Variants in QSOX1 observed in about 807,000 individuals in gnomAD.
QSOX1 encodes sulfhydryl oxidase 1.
QSOX1 carries 40 observed loss-of-function variants against 76.1 expected under a neutral mutation model. The ratio of observed to expected loss-of-function variants is 0.53; its 90% CI spans 0.41 to 0.68. QSOX1 has a LOEUF of 0.68. Among genes scored for constraint, QSOX1 ranks in the 30% least tolerant of loss-of-function variants. QSOX1 has a pLI of 0.00. For synonymous variants in QSOX1, 392 were observed against 413.1 expected, an observed-to-expected ratio of 0.95 and a Z score of 0.62; for missense variants, 931 against 974.3, an observed-to-expected ratio of 0.96 and a Z score of 0.59.
chr1:180,194,997 G>GT (rs1553275525), intron 11 of QSOX1, among the ~76,000 whole-genome samples: 4 of 137,728 alleles, frequency 2.9e-5, no homozygotes, highest in Non-Finnish European at 6.2e-5. Context: ...ACAGCCTCCC[G>GT]GGGGGGGGAG....
At chr1:180,180,646 C>T (rs545724239) in intron 5 of QSOX1, among the ~76,000 whole-genome samples, 1 of 152,352 alleles carries the variant, frequency 6.6e-6, no homozygotes, top group South Asian at 2.1e-4. Flanking sequence ...TCCTGAGTAG[C>T]TGGGACTACA....
Position 180,197,531 on chromosome 1 carries a change from G to A in QSOX1, c.*494G>A, listed in dbSNP as rs1663531704. Reference sequence around the variant, plus strand: ...GAAGCCTTTGCACCCTGGGAGGAAGGACCACCCCGGGCCCTCTATGCCTGG... The same window carrying A: ...GAAGCCTTTGCACCCTGGGAGGAAGAACCACCCCGGGCCCTCTATGCCTGG... On this transcript the variant is annotated 3_prime_UTR_variant, in exon 12 of 12. Coordinates refer to ENST00000367602, the MANE Select transcript of QSOX1 (RefSeq NM_002826.5). The A allele has an allele frequency of 1.2e-6, 1 of 850,314 alleles. No homozygotes were observed. Among genetic ancestry groups the A allele is most frequent in the Admixed American group, 2.6e-5 (1 of 38,672 alleles). The allele number at this position is 850,314 out of a possible 1,614,324, so 52.7% of individuals were successfully genotyped here.
chr1:180,197,617 CTTCTGGAAGT>C lies in QSOX1; in HGVS notation c.*581_*590del. 1.9e-6 allele frequency: 1 copy of C among 519,840 alleles called. No individual in the cohort carries two copies. Among genetic ancestry groups the C allele is most frequent in the East Asian group, 3.4e-5 (1 of 29,698 alleles). The allele number at this position is 519,840 out of a possible 1,614,324, so 32.2% of individuals were successfully genotyped here. On this transcript the variant is annotated 3_prime_UTR_variant, in exon 12 of 12. Transcript: ENST00000367602. ...TTGGCTTCAGGGTGGGGTTTGGAAG[CTTCTGGAAGT>C]CGTGCTGGTCTCCCAGGTGAGGCAA...
At chr1:180,190,685 C>T (rs1663287050) in intron 10 of QSOX1, 105 bp downstream of exon 10, 2 of 1,369,184 alleles carry the variant, frequency 1.5e-6, no homozygotes, top group Non-Finnish European at 2.0e-6. Flanking sequence ...CCCACTGGCT[C>T]CCAGCTGCCA....
Position 180,190,497 on chromosome 1 carries a change from G to A in QSOX1, c.1205G>A (p.Gly402Asp). 6.2e-7 allele frequency: 1 copy of A among 1,614,116 alleles called. No individual in the cohort carries two copies. Among genetic ancestry groups the A allele is most frequent in the Non-Finnish European group, 8.5e-7 (1 of 1,179,962 alleles). The change falls in exon 10 of 12, where the codon GGC becomes GAC. Residue 402 changes from glycine (G) to aspartate (D), a missense_variant. Coordinates refer to ENST00000367602, the MANE Select transcript of QSOX1 (RefSeq NM_002826.5). Reference protein sequence around the residue: ...GCQGSEPHFRGFPCSLWVLFH... With the variant: ...GCQGSEPHFRDFPCSLWVLFH... ...CAGGGGAGTGAGCCGCATTTCCGGG[G>A]CTTTCCCTGCTCCCTGTGGGTCCTC... is the stretch of plus-strand genomic sequence containing the variant.
At chr1:180,180,230 G>A (rs1662995475) in intron 5 of QSOX1, among the ~76,000 whole-genome samples, 1 of 152,358 alleles carries the variant, frequency 6.6e-6, no homozygotes, top group South Asian at 2.1e-4. Flanking sequence ...ATTTTTGTGA[G>A]ACGGAGTTTC....
chr1:180,185,045 A>G (rs990649358), intron 7 of QSOX1, among the ~76,000 whole-genome samples: 1 of 152,160 alleles, frequency 6.6e-6, no homozygotes, highest in Non-Finnish European at 1.5e-5. Context: ...GTGTTACCTC[A>G]TTCAGTCATG....
Position 180,182,105 on chromosome 1 carries a change from G to A in QSOX1, c.607-69G>A, listed in dbSNP as rs182111521. The A allele has an allele frequency of 4.8e-5, 76 of 1,572,300 alleles. No homozygotes were observed. In the African/African-American group the frequency reaches 5.9e-4, roughly 12 times the overall value. ...CATCTGGGTGCCTTCACAGGTCACC[G>A]AGCTGGGACCCAGCCCTGGCTCCCT... On this transcript the variant is annotated intron_variant, in intron 5 of 11. Transcript: ENST00000367602.
intron 3 of QSOX1, 55 bp downstream of exon 3, chr1:180,175,421 T>C: frequency 6.4e-7 from 1 of 1,570,600 alleles, no homozygotes; most frequent in Non-Finnish European, 8.8e-7. Context: ...AACCTCCCTC[T>C]TCACCTGGGT....
At chr1:180,176,401 T>C (rs1229579297) in intron 4 of QSOX1, among the ~76,000 whole-genome samples, 1 of 152,208 alleles carries the variant, frequency 6.6e-6, no homozygotes, top group Admixed American at 6.5e-5. Flanking sequence ...TTTCACATGC[T>C]CTATCCCCGG....
At chr1:180,193,120 G>C (rs1324959055) in intron 10 of QSOX1, among the ~76,000 whole-genome samples, 1 of 152,132 alleles carries the variant, frequency 6.6e-6, no homozygotes, top group Admixed American at 6.5e-5. Context: ...TAATGAGCAG[G>C]AACTGGGGCA....
intron 6 of QSOX1, among the ~76,000 whole-genome samples, chr1:180,183,057 A>G (rs1355241479): frequency 2.0e-5 from 3 of 151,992 alleles, no homozygotes; most frequent in South Asian, 4.2e-4. Context: ...ACAGGGAGGC[A>G]CTCGCTTTCC....
At chr1:180,174,184 C>T (rs1458909235) in intron 2 of QSOX1, among the ~76,000 whole-genome samples, 2 of 152,230 alleles carry the variant, frequency 1.3e-5, no homozygotes, top group African/African-American at 2.4e-5. Flanking sequence ...GTTCAGTGGC[C>T]GGCTTCCAGG....
Position 180,190,415 on chromosome 1 carries a change from C to T in QSOX1, c.1141-18C>T, listed in dbSNP as rs764526933. 3 of 1,608,954 alleles carry T rather than the reference C, an allele frequency of 1.9e-6. No homozygotes were observed. Among genetic ancestry groups the T allele is most frequent in the South Asian group, 1.1e-5 (1 of 90,928 alleles). On this transcript the variant is annotated intron_variant, in intron 9 of 11. Coordinates refer to ENST00000367602, the MANE Select transcript of QSOX1 (RefSeq NM_002826.5). ...TTTTCCTTCTCCATATGTGCACTCACACTCATGTGTCCCTCAGGGTGCCGT... is the reference window on the plus strand; with the variant it reads ...TTTTCCTTCTCCATATGTGCACTCATACTCATGTGTCCCTCAGGGTGCCGT...
intron 6 of QSOX1, among the ~76,000 whole-genome samples, chr1:180,183,273 GTCTC>G (rs1663084468): frequency 6.6e-6 from 1 of 152,144 alleles, no homozygotes; most frequent in Admixed American, 6.5e-5. Flanking sequence ...TGGACCCGGC[GTCTC>G]TCTCTGCAGG....
Position 180,190,593 on chromosome 1 carries a change from C to G in QSOX1, c.1288+13C>G, listed in dbSNP as rs12091378. 0.016 allele frequency: 25,291 copies of G among 1,606,836 alleles called. 525 individuals carry two copies. Among genetic ancestry groups the G allele is most frequent in the Admixed American group, 0.067 (4,023 of 59,802 alleles). ...TCACAGGAAGCAGGTACGTCCAGGACCCGTTCACCCCACTGTGCCTCCAAC... is the reference window on the plus strand; with the variant it reads ...TCACAGGAAGCAGGTACGTCCAGGAGCCGTTCACCCCACTGTGCCTCCAAC... On this transcript the variant is annotated intron_variant, in intron 10 of 11. Transcript: ENST00000367602.
At chr1:180,164,487 G>C (rs1370051551) in intron 1 of QSOX1, among the ~76,000 whole-genome samples, 1 of 152,150 alleles carries the variant, frequency 6.6e-6, no homozygotes, top group Non-Finnish European at 1.5e-5. Flanking sequence ...CAGCAAGAAA[G>C]GTGGGGGAAA....
chr1:180,163,175 C>A (rs1295071133), intron 1 of QSOX1, among the ~76,000 whole-genome samples: 1 of 151,758 alleles, frequency 6.6e-6, no homozygotes, highest in Admixed American at 6.6e-5. Flanking sequence ...GCCCATTCGA[C>A]CACACTTGAA....
intron 1 of QSOX1, among the ~76,000 whole-genome samples, chr1:180,162,020 A>G (rs539799238): frequency 4.6e-5 from 7 of 152,254 alleles, no homozygotes; most frequent in African/African-American, 7.2e-5. Flanking sequence ...AGACAATAAG[A>G]CTTAAAATGG....
Sources: gnomAD v4.1 joint callset for allele counts (sites outside exome capture counted in the v4.1 genomes callset) on GRCh38, gnomAD v4.1.1 for gene constraint, MANE v1.5 for transcripts, NCBI Gene and HGNC (gene_info 2026-07-23, HGNC 2026-07-21) for gene names.